PTPRD: variants seen among roughly 807,000 people sequenced by gnomAD.
PTPRD encodes protein tyrosine phosphatase receptor type D.
A neutral mutation model predicts 214.5 loss-of-function variants in PTPRD; 34 were observed. The ratio of observed to expected loss-of-function variants is 0.16; its 90% CI spans 0.12 to 0.21. The LOEUF (loss-of-function observed/expected upper bound fraction) is 0.21, where lower values mean the gene tolerates loss of function less well. PTPRD is among the 10% of genes least tolerant of loss of function. The pLI, the probability that PTPRD is intolerant of heterozygous loss-of-function variation, is 1.00. For synonymous variants in PTPRD, 1,128 were observed against 845.7 expected (o/e 1.33, Z -5.79); for missense variants, 2,545 against 2,398.7 (o/e 1.06, Z -1.27).
At position 10,334,576 on chromosome 9, in the gene PTPRD, A is replaced by G. The variant is rs528203057; in HGVS notation, c.-545+6387T>C. ...TGGAAATCATAGATAATATTACGAG[A>G]AAAGGAAATCAATTTACTTTGTTTG... is the stretch of plus-strand genomic sequence containing the variant. On this transcript the variant is annotated intron_variant, in intron 3 of 45. Coordinates refer to ENST00000381196, the MANE Select transcript of PTPRD (RefSeq NM_002839.4). 4.6e-5 allele frequency among the ~76,000 whole-genome samples: 7 copies of G among 151,796 alleles called. No homozygotes were observed. The East Asian group carries it at 1.2e-3, about 25-fold the overall frequency.
intron 3 of PTPRD, among the ~76,000 whole-genome samples, chr9:10,072,992 A>G (rs2098058306): frequency 6.6e-6 from 1 of 152,136 alleles, no homozygotes; most frequent in South Asian, 2.1e-4. Flanking sequence ...GAATACTTCA[A>G]CTTAAAATGA....
intron 11 of PTPRD, among the ~76,000 whole-genome samples, chr9:8,982,526 A>G (rs1364191463): frequency 6.6e-6 from 1 of 151,420 alleles, no homozygotes; most frequent in African/African-American, 2.4e-5. Flanking sequence ...ATGGCATCTA[A>G]GTATGAATCT....
rs183860793 is a variant in PTPRD, at chr9:10,178,738, C to T, written c.-544-144948G>A. ...CCATATAATATTGTGTTGTGAGGGG[C>T]TTTCCTGTGCATTATAGGATGTTTA... On this transcript the variant is annotated intron_variant, in intron 3 of 45. Transcript: ENST00000381196. Among the ~76,000 whole-genome samples the T allele has an allele frequency of 1.3e-4, 19 of 151,930 alleles. No individual in the cohort carries two copies. The East Asian group carries it at 3.7e-3, about 29-fold the overall frequency.
intron 2 of PTPRD, among the ~76,000 whole-genome samples, chr9:10,355,769 C>T (rs941953428): frequency 1.3e-5 from 2 of 152,052 alleles, no homozygotes; most frequent in African/African-American, 4.8e-5. Flanking sequence ...TGAGCCACCG[C>T]GGCCGGCCGC....
At chr9:9,762,357 C>A (rs1192605353) in intron 6 of PTPRD, among the ~76,000 whole-genome samples, 1 of 152,226 alleles carries the variant, frequency 6.6e-6, no homozygotes, top group East Asian at 1.9e-4. Flanking sequence ...AGTCTAGCTA[C>A]ACTCTTGGTG....
chr9:8,466,639 T>A (rs549800488), intron 31 of PTPRD, among the ~76,000 whole-genome samples: 28 of 152,030 alleles, frequency 1.8e-4, no homozygotes, highest in African/African-American at 6.5e-4. Context: ...GGATGCCTGT[T>A]GATGTAAGCA....
chr9:8,646,048 G>A (rs921462523), intron 12 of PTPRD, among the ~76,000 whole-genome samples: 1 of 148,128 alleles, frequency 6.8e-6, no homozygotes, highest in African/African-American at 2.6e-5. Flanking sequence ...AGAATCACCT[G>A]GGAGTCCTAA....
chr9:8,523,934 T>C (rs966289497), intron 18 of PTPRD, among the ~76,000 whole-genome samples: 1 of 152,156 alleles, frequency 6.6e-6, no homozygotes, highest in African/African-American at 2.4e-5. Flanking sequence ...AACAAAAATT[T>C]CAAAATCAAG....
intron 37 of PTPRD, among the ~76,000 whole-genome samples, chr9:8,377,310 C>T (rs573940039): frequency 4.6e-4 from 70 of 151,888 alleles, no homozygotes; most frequent in African/African-American, 1.5e-3. Flanking sequence ...GTTGTCTGTT[C>T]CTTAAAAAGA....
intron 5 of PTPRD, among the ~76,000 whole-genome samples, chr9:9,930,257 G>C (rs548577528): frequency 1.2e-4 from 18 of 152,218 alleles, no homozygotes; most frequent in East Asian, 3.9e-4. Flanking sequence ...CCTTTGGTTA[G>C]AGTCACAGAA....
intron 3 of PTPRD, among the ~76,000 whole-genome samples, chr9:10,090,568 T>C (rs951447430): frequency 6.6e-6 from 1 of 150,802 alleles, no homozygotes; most frequent in South Asian, 2.1e-4. Flanking sequence ...TGTATTTTAA[T>C]GTATTTTATG....
chr9:9,653,348 CAAAAAAAAAAAAAAAAAAAA>C (rs1175875551), intron 7 of PTPRD, among the ~76,000 whole-genome samples: 79 of 32,508 alleles, frequency 2.4e-3, no homozygotes, highest in African/African-American at 7.0e-3. Flanking sequence ...GACTCCGTCT[CAAAAAAAAAAAAAAAAAAAA>C]AAAAAAAAAA....
chr9:8,358,964 C>T (rs1263087870), intron 39 of PTPRD, among the ~76,000 whole-genome samples: 5 of 149,928 alleles, frequency 3.3e-5, no homozygotes, highest in Admixed American at 6.6e-5. Context: ...AAAAATTAGC[C>T]GGGCGTGGTG....
At chr9:9,592,607 T>A (rs2092847289) in intron 7 of PTPRD, among the ~76,000 whole-genome samples, 1 of 152,044 alleles carries the variant, frequency 6.6e-6, no homozygotes, top group African/African-American at 2.4e-5. Context: ...AAGTTGATAC[T>A]CCTTTCGTCA....
chr9:9,199,457 T>C (rs943553811), intron 9 of PTPRD, among the ~76,000 whole-genome samples: 1 of 152,164 alleles, frequency 6.6e-6, no homozygotes, highest in Non-Finnish European at 1.5e-5. Context: ...AATGCATCTC[T>C]ACTGGTAGAA....
chr9:9,454,150 T>C (rs1036448965), intron 8 of PTPRD, among the ~76,000 whole-genome samples: 16 of 151,774 alleles, frequency 1.1e-4, no homozygotes, highest in Non-Finnish European at 2.1e-4. Context: ...TTTAAAAGCC[T>C]AAACAAATTG....
At chr9:10,538,490 C>T (rs1346698892) in intron 2 of PTPRD, among the ~76,000 whole-genome samples, 3 of 151,978 alleles carry the variant, frequency 2.0e-5, no homozygotes, top group South Asian at 2.1e-4. Flanking sequence ...TCTATATATA[C>T]ACAATTTTAC....
intron 8 of PTPRD, among the ~76,000 whole-genome samples, chr9:9,442,669 C>G (rs974798297): frequency 1.3e-5 from 2 of 152,040 alleles, no homozygotes; most frequent in Non-Finnish European, 2.9e-5. Flanking sequence ...TAAAGATGTT[C>G]TATTATATTT....
intron 3 of PTPRD, among the ~76,000 whole-genome samples, chr9:10,192,488 C>T (rs973575490): frequency 1.4e-5 from 2 of 139,430 alleles, no homozygotes; most frequent in African/African-American, 5.2e-5. Context: ...CATTTTATCA[C>T]TACATTCCTT....
Sources: allele counts gnomAD v4.1 joint callset (sites outside exome capture counted in the v4.1 genomes callset), GRCh38; gene constraint gnomAD v4.1.1; transcripts MANE v1.5; gene names NCBI Gene and HGNC (gene_info 2026-07-23, HGNC 2026-07-21).